SENP8: variants seen among roughly 807,000 people sequenced by gnomAD.
The protein encoded by SENP8 is SUMO peptidase family member, NEDD8 specific, also known as sentrin-specific protease 8.
Under a neutral mutation model 14.4 loss-of-function variants are expected in SENP8, and 10 were observed. The observed-to-expected ratio is 0.69, with a 90% CI of 0.43 to 1.18. SENP8 has a LOEUF of 1.18. Ranked by LOEUF, SENP8 falls within the 50% of genes most tolerant of loss-of-function variation. The pLI, the probability that SENP8 is intolerant of heterozygous loss-of-function variation, is 0.00. For synonymous variants in SENP8, 94 were observed against 95.5 expected (o/e 0.98, Z 0.09); for missense variants, 202 against 249.4 (o/e 0.81, Z 1.28).
chr15:72,118,636 C>G (rs964444733), intron 1 of SENP8, 172 bp downstream of exon 1: 6 of 152,298 alleles, frequency 3.9e-5, no homozygotes, highest in African/African-American at 1.4e-4. Flanking sequence ...CCACTGCCCC[C>G]TCCATTGTCC....
chr15:72,119,172 C>T (rs562927662), intron 1 of SENP8, among the ~76,000 whole-genome samples: 7 of 152,128 alleles, frequency 4.6e-5, no homozygotes, highest in Non-Finnish European at 1.0e-4. Context: ...GACTCAAAAG[C>T]GTACCATGAA....
Position 72,139,661 on chromosome 15 carries a change from T to C in SENP8, c.38T>C (p.Leu13Pro). ...PVVLSYMDSLLRQSDVSLLDP... is the reference protein window; with the variant it reads ...PVVLSYMDSLPRQSDVSLLDP... ...GTCTTGAGTTACATGGACAGTCTACTGCGGCAATCAGATGTCTCACTATTG... is the reference window on the plus strand; with the variant it reads ...GTCTTGAGTTACATGGACAGTCTACCGCGGCAATCAGATGTCTCACTATTG... The change falls in exon 2 of 2, where the codon CTG becomes CCG. Residue 13 changes from leucine (L) to proline (P), a missense_variant. Physicochemically the swap from Leu to Pro is moderately conservative, Grantham distance 98 (BLOSUM62 -3). Coordinates refer to ENST00000340912, the MANE Select transcript of SENP8 (RefSeq NM_145204.4). 6.2e-7 allele frequency: 1 copy of C among 1,614,230 alleles called. No homozygotes were observed. The highest frequency in any genetic ancestry group is 8.5e-7 in the Non-Finnish European group (1 of 1,180,030).
Position 72,139,845 on chromosome 15 carries a change from CCT to C in SENP8, c.223_224del (p.Leu75Ter), listed in dbSNP as rs760755556. 3.7e-6 allele frequency: 6 copies of C among 1,614,212 alleles called. No individual in the cohort carries two copies. The highest frequency in any genetic ancestry group is 5.1e-6 in the Non-Finnish European group (6 of 1,180,052). On this transcript the variant is annotated frameshift_variant, in exon 2 of 2. Transcript: ENST00000340912. LOFTEE classifies it high-confidence loss of function. The stretch of plus-strand genomic sequence containing the variant: ...GCAACCCAGCAGAGATTGCCATGTT[CCT>C]TGAACCACTGGACCTCCCCAACAAG... The part of the protein sequence containing the change: ...TSNPAEIAMF[L>X]EPLDLPNKRV...
chr15:72,127,655 G>C (rs1321738331), intron 1 of SENP8, among the ~76,000 whole-genome samples: 1 of 152,170 alleles, frequency 6.6e-6, no homozygotes, highest in Non-Finnish European at 1.5e-5. Flanking sequence ...GCAGGGAACA[G>C]ACCTGGCCTA....
In SENP8 at chr15:72,142,806, C is replaced by T. The variant is rs2081388647; in HGVS notation, c.*2544C>T. 1.3e-5 allele frequency: 2 copies of T among 152,158 alleles called. No individual in the cohort carries two copies. Among genetic ancestry groups the T allele is most frequent in the Admixed American group, 1.3e-4 (2 of 15,268 alleles). The allele number at this position is 152,158 out of a possible 1,614,324, so 9.4% of individuals were successfully genotyped here. The stretch of plus-strand genomic sequence containing the variant: ...AAGTGGATTATGTTTCTGATATGTA[C>T]CTAATTATTTTGACTATACTATAAT... On this transcript the variant is annotated 3_prime_UTR_variant, in exon 2 of 2. Transcript: ENST00000340912.
chr15:72,132,566 C>T (rs1216961740), intron 1 of SENP8, among the ~76,000 whole-genome samples: 1 of 151,070 alleles, frequency 6.6e-6, no homozygotes, highest in African/African-American at 2.4e-5. Flanking sequence ...AGGTCCCCTT[C>T]CATCTCCTTT....
chr15:72,132,985 A>C (rs573608400), intron 1 of SENP8, among the ~76,000 whole-genome samples: 1 of 152,348 alleles, frequency 6.6e-6, no homozygotes, highest in East Asian at 1.9e-4. Context: ...AGCCTGGCCA[A>C]CATGGTGAAA....
chr15:72,125,020 C>T (rs1411984198), intron 1 of SENP8, among the ~76,000 whole-genome samples: 1 of 152,036 alleles, frequency 6.6e-6, no homozygotes, highest in Non-Finnish European at 1.5e-5. Flanking sequence ...TGTGGAAACC[C>T]TGTTGTTTAA....
At chr15:72,121,725 A>G (rs1009657964) in intron 1 of SENP8, among the ~76,000 whole-genome samples, 3 of 152,134 alleles carry the variant, frequency 2.0e-5, no homozygotes, top group Non-Finnish European at 2.9e-5. Context: ...CTGTCTCCAA[A>G]AAAAATCTTG....
chr15:72,132,908 T>A (rs183622027), intron 1 of SENP8, among the ~76,000 whole-genome samples: 215 of 152,282 alleles, frequency 1.4e-3, no homozygotes, highest in African/African-American at 4.5e-3. Context: ...CAGTGGCTCA[T>A]GCCTGTAATC....
chr15:72,119,393 A>C (rs936813617), intron 1 of SENP8, among the ~76,000 whole-genome samples: 9 of 152,242 alleles, frequency 5.9e-5, no homozygotes, highest in Non-Finnish European at 1.3e-4. Flanking sequence ...CTAATGCTAA[A>C]GATTGAGACT....
Position 72,140,887 on chromosome 15 carries a change from T to C in SENP8, c.*625T>C, listed in dbSNP as rs1219598160. 2 of 167,144 alleles carry C rather than the reference T, an allele frequency of 1.2e-5. No homozygotes were observed. Among genetic ancestry groups the C allele is most frequent in the African/African-American group, 2.4e-5 (1 of 41,464 alleles). 10.4% of individuals were successfully genotyped at this position (167,144 alleles called of 1,614,324 possible). A position where few individuals can be genotyped will look rare whatever the true frequency, so the allele number is the denominator to read the frequency against. On this transcript the variant is annotated 3_prime_UTR_variant, in exon 2 of 2. Coordinates refer to ENST00000340912, the MANE Select transcript of SENP8 (RefSeq NM_145204.4). ...TTGATAAAGATGATGTTACCCTATC[T>C]TCCTCCATCTGATTCCTGGAATGCT...
At chr15:72,125,057 A>G (rs957300386) in intron 1 of SENP8, among the ~76,000 whole-genome samples, 1 of 152,078 alleles carries the variant, frequency 6.6e-6, no homozygotes, top group Non-Finnish European at 1.5e-5. Context: ...TGAACTCCAG[A>G]TTGTTTCCAG....
intron 1 of SENP8, among the ~76,000 whole-genome samples, chr15:72,129,017 A>T (rs1483537068): frequency 6.6e-6 from 1 of 152,252 alleles, no homozygotes; most frequent in Non-Finnish European, 1.5e-5. Context: ...TGTTTTCAGT[A>T]AAACAGATTT....
intron 1 of SENP8, among the ~76,000 whole-genome samples, chr15:72,129,846 AAAAG>A (rs1454737636): frequency 6.6e-6 from 1 of 151,810 alleles, no homozygotes; most frequent in Non-Finnish European, 1.5e-5. Context: ...AGTCTAAAAA[AAAAG>A]AAAAAAAAAA....
At chr15:72,125,575 T>TA (rs1416933139) in intron 1 of SENP8, among the ~76,000 whole-genome samples, 1 of 152,046 alleles carries the variant, frequency 6.6e-6, no homozygotes, top group Non-Finnish European at 1.5e-5. Context: ...TGCTACTTAT[T>TA]AAAAAATCCA....
chr15:72,118,667 A>G (rs1342572149), intron 1 of SENP8: 1 of 148,446 alleles, frequency 6.7e-6, no homozygotes, highest in Non-Finnish European at 1.5e-5. Flanking sequence ...CTCCGTTTCC[A>G]TTCATTTCTC....
intron 1 of SENP8, among the ~76,000 whole-genome samples, chr15:72,120,410 T>A (rs1411869633): frequency 6.6e-6 from 1 of 152,196 alleles, no homozygotes; most frequent in East Asian, 1.9e-4. Context: ...TAGAGCATAG[T>A]ATGGAGAGTA....
chr15:72,134,958 C>A, intron 1 of SENP8: 1 of 300,558 alleles, frequency 3.3e-6, no homozygotes, highest in Non-Finnish European at 6.5e-6. Context: ...TTCCTGAAAT[C>A]GTGAAGGAAA....
Sources: allele counts gnomAD v4.1 joint callset (sites outside exome capture counted in the v4.1 genomes callset), GRCh38; gene constraint gnomAD v4.1.1; transcripts MANE v1.5; gene names NCBI Gene and HGNC (gene_info 2026-07-23, HGNC 2026-07-21).